The following KATNIP variants were observed in gnomAD, a reference collection of about 807,000 sequenced individuals.
The protein encoded by KATNIP is katanin interacting protein, also known as katanin-interacting protein.
A neutral mutation model predicts 174.0 loss-of-function variants in KATNIP; 126 were observed. The ratio of observed to expected loss-of-function variants is 0.72; its 90% CI spans 0.63 to 0.84. The LOEUF is 0.84. Among genes scored for constraint, KATNIP ranks in the 40% least tolerant of loss-of-function variants. KATNIP has a pLI of 0.00. For missense variants in KATNIP, 1,958 were observed against 2,109.7 expected (o/e 0.93, Z 1.41); for synonymous variants, 810 against 835.7 (o/e 0.97, Z 0.53).
Position 27,630,941 on chromosome 16 carries a change from T to C in KATNIP, c.311-124T>C, listed in dbSNP as rs2076469173. The C allele has an allele frequency of 1.0e-5, 7 of 698,954 alleles. No individual in the cohort carries two copies. The East Asian group carries it at 1.6e-4, about 16-fold the overall frequency. The allele number at this position is 698,954 out of a possible 1,614,324, so 43.3% of individuals were successfully genotyped here. ...GTTGCCACAACCACGCTGTAGTCAA[T>C]GTCCTCATACACAAGACTTTGGGCA... On this transcript the variant is annotated intron_variant, in intron 4 of 27. Coordinates refer to ENST00000261588, the MANE Select transcript of KATNIP (RefSeq NM_015202.5).
intron 18 of KATNIP, 52 bp downstream of exon 18, chr16:27,754,303 CA>C (rs766475311): frequency 4.0e-6 from 6 of 1,503,640 alleles, no homozygotes; most frequent in South Asian, 2.3e-5. Flanking sequence ...CTTCCAGGGA[CA>C]GGGGGAGTTG....
intron 19 of KATNIP, among the ~76,000 whole-genome samples, chr16:27,762,248 C>T (rs1348728646): frequency 6.6e-6 from 1 of 152,212 alleles, no homozygotes; most frequent in Non-Finnish European, 1.5e-5. Flanking sequence ...CAAATCCCGC[C>T]TCTGCCCCAT....
chr16:27,708,750 G>A lies in KATNIP; in HGVS notation c.1435G>A (p.Val479Met), dbSNP rs759936156. Residue 479 changes from valine to methionine, a missense_variant, in exon 13 of 28, where the codon GTG (valine) becomes ATG (methionine). Coordinates refer to ENST00000261588, the MANE Select transcript of KATNIP (RefSeq NM_015202.5). ...AGACGAGATCAAAGATGCCATCTAC[G>A]TGACCATGGAGATCCTGTCCAACTG... ...RADEIKDAIYVTMEILSNWGN... is the reference protein window; with the variant it reads ...RADEIKDAIYMTMEILSNWGN... The A allele has an allele frequency of 1.3e-5, 21 of 1,613,660 alleles. No homozygotes were observed. The highest frequency in any genetic ancestry group is 1.6e-4 in the Middle Eastern group (1 of 6,084).
intron 2 of KATNIP, among the ~76,000 whole-genome samples, chr16:27,608,226 CTTTTT>C (rs35752811): frequency 9.1e-6 from 1 of 109,858 alleles, no homozygotes; most frequent in Admixed American, 9.5e-5. Context: ...TGGTAAAATT[CTTTTT>C]TTTTTTTTTT....
At chr16:27,622,591 A>G (rs938302705) in intron 3 of KATNIP, among the ~76,000 whole-genome samples, 1 of 152,206 alleles carries the variant, frequency 6.6e-6, no homozygotes, top group Non-Finnish European at 1.5e-5. Context: ...GGGTAGACCC[A>G]GATTTGCTCT....
intron 5 of KATNIP, among the ~76,000 whole-genome samples, chr16:27,632,236 A>G (rs1371651986): frequency 6.6e-6 from 1 of 152,158 alleles, no homozygotes; most frequent in African/African-American, 2.4e-5. Flanking sequence ...GGAAAGCTTT[A>G]TTTCTCAGAA....
chr16:27,559,987 AT>A (rs1402158331), intron 1 of KATNIP, among the ~76,000 whole-genome samples: 9 of 151,288 alleles, frequency 5.9e-5, no homozygotes, highest in Admixed American at 1.3e-4. Context: ...TATAAAAAAA[AT>A]AAATAAATAA....
chr16:27,655,617 G>A (rs1438535155), intron 6 of KATNIP, among the ~76,000 whole-genome samples: 2 of 152,044 alleles, frequency 1.3e-5, no homozygotes, highest in South Asian at 2.1e-4. Context: ...AAGAGCTCAC[G>A]TTAAATGAGC....
At chr16:27,644,473 C>A (rs560738220) in intron 5 of KATNIP, 3 of 152,220 alleles carry the variant, frequency 2.0e-5, no homozygotes, top group African/African-American at 7.2e-5. Context: ...CATCATTTTT[C>A]TTTTAGTCAC....
intron 6 of KATNIP, among the ~76,000 whole-genome samples, chr16:27,674,069 C>T (rs1337858133): frequency 2.0e-5 from 3 of 152,114 alleles, no homozygotes; most frequent in Non-Finnish European, 4.4e-5. Flanking sequence ...GAGGCTCACT[C>T]GAGCCTAGGA....
chr16:27,652,830 G>T (rs1228783452), intron 6 of KATNIP, among the ~76,000 whole-genome samples: 1 of 150,944 alleles, frequency 6.6e-6, no homozygotes, highest in Non-Finnish European at 1.5e-5. Flanking sequence ...AAATTATATT[G>T]TCTCTGTTGA....
chr16:27,669,168 CTTTTCCTAGTT>C lies in KATNIP; in HGVS notation c.541-8560_541-8550del, dbSNP rs1430251396. ...CATGTTTGATGGTCGCCTGATGTCA[CTTTTCCTAGTT>C]CAGCAGAAAGAGGAAGCTCAGGCAT... On this transcript the variant is annotated intron_variant, in intron 6 of 27. Transcript: ENST00000261588. The C allele has an allele frequency of 1.5e-5, 7 of 478,960 alleles. No homozygotes were observed. In the East Asian group the frequency reaches 1.1e-3, roughly 74 times the overall value. The allele number at this position is 478,960 out of a possible 1,614,324, so 29.7% of individuals were successfully genotyped here. A position where few individuals can be genotyped will look rare whatever the true frequency, so the allele number is the denominator to read the frequency against.
chr16:27,660,313 C>T (rs967374124), intron 6 of KATNIP, among the ~76,000 whole-genome samples: 1 of 152,180 alleles, frequency 6.6e-6, no homozygotes, highest in Admixed American at 6.5e-5. Flanking sequence ...TTTTGGGAGG[C>T]CAAGGTGGGC....
chr16:27,655,892 ATAT>A (rs1344382528), intron 6 of KATNIP, among the ~76,000 whole-genome samples: 2 of 152,170 alleles, frequency 1.3e-5, no homozygotes, highest in African/African-American at 2.4e-5. Context: ...TCTGTTGTGA[ATAT>A]TATTGATGTT....
chr16:27,714,278 A>T (rs1431985869), intron 13 of KATNIP, among the ~76,000 whole-genome samples: 3 of 152,118 alleles, frequency 2.0e-5, no homozygotes, highest in Non-Finnish European at 2.9e-5. Context: ...GTTTACATGT[A>T]TATTATGTCT....
intron 11 of KATNIP, among the ~76,000 whole-genome samples, chr16:27,701,936 G>A (rs1190917390): frequency 3.3e-5 from 5 of 152,138 alleles, no homozygotes; most frequent in Non-Finnish European, 4.4e-5. Context: ...GGGATCACAG[G>A]TGTGTGCCAC....
intron 14 of KATNIP, among the ~76,000 whole-genome samples, chr16:27,726,378 C>T (rs1250951632): frequency 6.6e-6 from 1 of 152,160 alleles, no homozygotes; most frequent in East Asian, 1.9e-4. Flanking sequence ...CTGTATCTGC[C>T]CTGTTTGGTA....
At chr16:27,693,330 G>A (rs2078799247) in intron 8 of KATNIP, among the ~76,000 whole-genome samples, 1 of 152,222 alleles carries the variant, frequency 6.6e-6, no homozygotes, top group African/African-American at 2.4e-5. Context: ...CTCAGGAGCA[G>A]CATCAGGGAT....
Position 27,698,462 on chromosome 16 carries a change from C to T in KATNIP, c.1075C>T (p.Leu359Phe), listed in dbSNP as rs1567314034. ...VENAALQRAL[L>F]SRKAEQPASP... is the part of the protein sequence containing the mutation. ...GAACGCAGCCCTGCAGAGGGCGCTC[C>T]TCAGCAGAAAGGCCGAGCAGCCAGC... is the stretch of plus-strand genomic sequence containing the variant. The change falls in exon 9 of 28, where the codon CTC becomes TTC. Residue 359 changes from leucine (L) to phenylalanine (F), a missense_variant. By Grantham distance (22) the Leu-to-Phe change is conservative. Around this residue, in one of 3 missense-constraint regions of KATNIP, gnomAD observed 1,557 missense variants for 1,617.8 expected, o/e 0.96. Transcript: ENST00000261588. The T allele has an allele frequency of 6.2e-7, 1 of 1,612,410 alleles. No individual in the cohort carries two copies. Among genetic ancestry groups the T allele is most frequent in the East Asian group, 2.2e-5 (1 of 44,842 alleles).
Sources: gnomAD v4.1 joint callset for allele counts (sites outside exome capture counted in the v4.1 genomes callset) on GRCh38, gnomAD v4.1.1 for gene constraint, gnomAD v4.1.1 regional missense constraint, MANE v1.5 for transcripts, NCBI Gene and HGNC (gene_info 2026-07-23, HGNC 2026-07-21) for gene names.